SLC35F3: variants seen among roughly 807,000 people sequenced by gnomAD.
SLC35F3 encodes putative thiamine transporter SLC35F3.
A neutral mutation model predicts 49.9 loss-of-function variants in SLC35F3; 25 were observed. The ratio of observed to expected loss-of-function variants is 0.50; its 90% CI spans 0.37 to 0.70. The LOEUF is 0.70. Ranked by LOEUF, SLC35F3 falls within the 30% of genes least tolerant of loss-of-function variation. SLC35F3 has a pLI of 0.00. For synonymous variants in SLC35F3, 275 were observed against 265.4 expected (o/e 1.04, Z -0.35); for missense variants, 525 against 639.8 (o/e 0.82, Z 1.94).
chr1:234,116,358 C>T (rs1317361596), intron 2 of SLC35F3, among the ~76,000 whole-genome samples: 2 of 152,096 alleles, frequency 1.3e-5, no homozygotes, highest in Non-Finnish European at 2.9e-5. Flanking sequence ...TGTGCCAAGA[C>T]TCAGTCAGGG....
At chr1:233,933,035 TAAA>T (rs59669736) in intron 2 of SLC35F3, among the ~76,000 whole-genome samples, 10 of 134,944 alleles carry the variant, frequency 7.4e-5, no homozygotes, top group Non-Finnish European at 9.4e-5. Context: ...GCTATTTAAG[TAAA>T]AAAAAAAAAA....
chr1:234,113,987 A>G (rs1403659364), intron 2 of SLC35F3, among the ~76,000 whole-genome samples: 1 of 152,220 alleles, frequency 6.6e-6, no homozygotes, highest in Non-Finnish European at 1.5e-5. Context: ...GAGTTTAACA[A>G]TCGGCTCTCC....
At chr1:234,261,273 A>T (rs764562152) in intron 3 of SLC35F3, among the ~76,000 whole-genome samples, 1 of 152,216 alleles carries the variant, frequency 6.6e-6, no homozygotes, top group Non-Finnish European at 1.5e-5. Context: ...GCCACTCCAT[A>T]GGCAGAGAAG....
At chr1:234,101,767 G>C (rs2102882621) in intron 2 of SLC35F3, among the ~76,000 whole-genome samples, 1 of 152,306 alleles carries the variant, frequency 6.6e-6, no homozygotes, top group East Asian at 1.9e-4. Context: ...ACATTCTTAG[G>C]ACAGAAAAAA....
intron 2 of SLC35F3, among the ~76,000 whole-genome samples, chr1:234,228,373 A>G (rs775286091): frequency 6.6e-6 from 1 of 152,214 alleles, no homozygotes; most frequent in Non-Finnish European, 1.5e-5. Flanking sequence ...TTCCTGTTAT[A>G]TAGTCAGAAT....
intron 2 of SLC35F3, among the ~76,000 whole-genome samples, chr1:234,228,804 T>C (rs939092460): frequency 6.6e-6 from 1 of 152,192 alleles, no homozygotes; most frequent in Admixed American, 6.5e-5. Flanking sequence ...CCAATGTGAA[T>C]TGTGATATCC....
chr1:234,043,998 G>GT (rs1231857818), intron 2 of SLC35F3, among the ~76,000 whole-genome samples: 1 of 152,150 alleles, frequency 6.6e-6, no homozygotes, highest in Non-Finnish European at 1.5e-5. Flanking sequence ...CAATGTAACA[G>GT]TGTTGACAGG....
At chr1:233,935,771 A>G (rs780956599) in intron 2 of SLC35F3, among the ~76,000 whole-genome samples, 19 of 152,206 alleles carry the variant, frequency 1.2e-4, no homozygotes, top group Non-Finnish European at 2.6e-4. Context: ...TGTGCCTGAG[A>G]CATCCACCTA....
chr1:234,105,899 G>A (rs745983255), intron 2 of SLC35F3, among the ~76,000 whole-genome samples: 12 of 152,162 alleles, frequency 7.9e-5, no homozygotes, highest in African/African-American at 1.4e-4. Context: ...GAGCCAGCTC[G>A]TAGCTGATCC....
intron 2 of SLC35F3, among the ~76,000 whole-genome samples, chr1:234,218,417 C>G (rs1239508808): frequency 1.3e-5 from 2 of 152,168 alleles, no homozygotes; most frequent in Admixed American, 1.3e-4. Context: ...CTCCAGGAAT[C>G]AGTTCCGTCC....
At chr1:233,982,695 C>T (rs890126553) in intron 2 of SLC35F3, among the ~76,000 whole-genome samples, 3 of 152,110 alleles carry the variant, frequency 2.0e-5, no homozygotes, top group Admixed American at 2.0e-4. Context: ...ATACCCACAT[C>T]TTTTTTTTGT....
Position 234,149,899 on chromosome 1 carries a change from A to C in SLC35F3, c.284-81518A>C, listed in dbSNP as rs140487415. ...GAACAGTCCAATCTCAGGCCAACCCAACGGTACCTGGAAACCAGATCCTTC... is the reference window on the plus strand; with the variant it reads ...GAACAGTCCAATCTCAGGCCAACCCCACGGTACCTGGAAACCAGATCCTTC... On this transcript the variant is annotated intron_variant, in intron 2 of 7. Transcript: ENST00000366618. Among the ~76,000 whole-genome samples, 835 of 152,334 alleles carry C rather than the reference A, an allele frequency of 5.5e-3. 6 individuals carry two copies. The highest frequency in any genetic ancestry group is 0.019 in the African/African-American group (781 of 41,582).
intron 2 of SLC35F3, among the ~76,000 whole-genome samples, chr1:233,963,183 A>G (rs1662833134): frequency 1.3e-5 from 2 of 151,976 alleles, no homozygotes; most frequent in Non-Finnish European, 2.9e-5. Context: ...GTCACTGTCA[A>G]TGTTGGGGGT....
chr1:233,948,196 AGAGAGAGG>A (rs1161970025), intron 2 of SLC35F3, among the ~76,000 whole-genome samples: 5,505 of 94,916 alleles, frequency 0.058, 289 homozygotes, highest in African/African-American at 0.14. Context: ...GAGGGGAGAG[AGAGAGAGG>A]GAGAGAGGGA....
At chr1:234,024,636 A>G (rs1663947977) in intron 2 of SLC35F3, among the ~76,000 whole-genome samples, 2 of 152,088 alleles carry the variant, frequency 1.3e-5, no homozygotes, top group Admixed American at 6.6e-5. Flanking sequence ...GTGCATGTTC[A>G]TATTCCTCTG....
At chr1:234,230,635 G>A (rs1189916450) in intron 2 of SLC35F3, among the ~76,000 whole-genome samples, 2 of 152,166 alleles carry the variant, frequency 1.3e-5, no homozygotes, top group African/African-American at 2.4e-5. Flanking sequence ...TCTGGTCTGC[G>A]GGAACAACAC....
intron 2 of SLC35F3, among the ~76,000 whole-genome samples, chr1:234,011,478 G>A (rs975780451): frequency 2.0e-5 from 3 of 152,092 alleles, no homozygotes; most frequent in East Asian, 1.9e-4. Context: ...AATGGCCAGA[G>A]CCTATCCCAG....
chr1:234,210,254 T>A (rs1314900688), intron 2 of SLC35F3, among the ~76,000 whole-genome samples: 1 of 152,222 alleles, frequency 6.6e-6, no homozygotes, highest in African/African-American at 2.4e-5. Flanking sequence ...CCTCTTTTTC[T>A]TCCCAGTCTT....
chr1:234,085,047 A>G (rs547077009), intron 2 of SLC35F3, among the ~76,000 whole-genome samples: 1 of 152,320 alleles, frequency 6.6e-6, no homozygotes, highest in South Asian at 2.1e-4. Flanking sequence ...AAGGCTGTGT[A>G]TTGTATGATT....
Sources: gnomAD v4.1 joint callset for allele counts (sites outside exome capture counted in the v4.1 genomes callset) on GRCh38, gnomAD v4.1.1 for gene constraint, MANE v1.5 for transcripts, NCBI Gene and HGNC (gene_info 2026-07-23, HGNC 2026-07-21) for gene names.